Variants in PTCHD4 observed in about 807,000 individuals in gnomAD.
The protein encoded by PTCHD4 is patched domain-containing protein 4.
In PTCHD4, 33 loss-of-function variants were observed where a neutral mutation model predicts 58.1. That is an observed-to-expected ratio of 0.57 (90% CI 0.43 to 0.76). The LOEUF (loss-of-function observed/expected upper bound fraction) is 0.76. PTCHD4 is among the 30% of genes least tolerant of loss of function. The pLI, the probability that PTCHD4 is intolerant of heterozygous loss-of-function variation, is 0.00. For synonymous variants in PTCHD4, 478 were observed against 409.6 expected (o/e 1.17, Z -2.02); for missense variants, 1,058 against 1,027.1 (o/e 1.03, Z -0.41).
intron 4 of PTCHD4, among the ~76,000 whole-genome samples, chr6:47,943,313 G>A (rs763499946): frequency 6.6e-6 from 1 of 152,058 alleles, no homozygotes; most frequent in Non-Finnish European, 1.5e-5. Flanking sequence ...CAAAACTTAA[G>A]ATTATTTTAT....
At chr6:47,944,948 A>G (rs1167894148) in intron 4 of PTCHD4, among the ~76,000 whole-genome samples, 2 of 152,080 alleles carry the variant, frequency 1.3e-5, no homozygotes, top group African/African-American at 4.8e-5. Context: ...GAAAGGATCC[A>G]TTTGAAAATG....
At chr6:47,929,359 A>G (rs1765735418) in intron 4 of PTCHD4, among the ~76,000 whole-genome samples, 1 of 152,228 alleles carries the variant, frequency 6.6e-6, no homozygotes, top group Admixed American at 6.5e-5. Flanking sequence ...CCAAGTGGCC[A>G]GTTTTTATTT....
intron 1 of PTCHD4, among the ~76,000 whole-genome samples, chr6:48,096,835 T>C (rs1193908954): frequency 6.6e-6 from 1 of 152,092 alleles, no homozygotes; most frequent in East Asian, 1.9e-4. Context: ...AAATATATAT[T>C]GCATTAGACA....
In PTCHD4 at chr6:47,965,108, C is replaced by G. The variant is rs9473212; in HGVS notation, c.898+43526G>C. 4.7e-3 allele frequency among the ~76,000 whole-genome samples: 722 copies of G among 152,202 alleles called. 5 individuals carry two copies. The highest frequency in any genetic ancestry group is 0.017 in the African/African-American group (693 of 41,534). On this transcript the variant is annotated intron_variant, in intron 4 of 4. Coordinates refer to ENST00000339488, the MANE Select transcript of PTCHD4 (RefSeq NM_001384253.1). ...CATTTACTCTTTATTTTTCCTCTTA[C>G]CATTCTGTGCATTTTTAATTGGGTA...
chr6:47,880,046 A>C, intron 4 of PTCHD4, 110 bp from the exon 5 acceptor site: 1 of 849,952 alleles, frequency 1.2e-6, no homozygotes, highest in Non-Finnish European at 1.7e-6. Flanking sequence ...CTAATCTTCA[A>C]AGGGCTGTGA....
intron 4 of PTCHD4, among the ~76,000 whole-genome samples, chr6:47,920,389 GAAACCT>G (rs1765393543): frequency 6.6e-6 from 1 of 152,128 alleles, no homozygotes; most frequent in Non-Finnish European, 1.5e-5. Context: ...TCCAGATGGG[GAAACCT>G]AGGAATTAGC....
chr6:47,988,363 C>T (rs761642752), intron 4 of PTCHD4, among the ~76,000 whole-genome samples: 3 of 152,140 alleles, frequency 2.0e-5, no homozygotes, highest in Non-Finnish European at 2.9e-5. Flanking sequence ...CTATCACATA[C>T]TTATAGATAA....
chr6:47,958,359 C>G (rs114424482), intron 4 of PTCHD4, among the ~76,000 whole-genome samples: 2 of 152,112 alleles, frequency 1.3e-5, no homozygotes, highest in African/African-American at 4.8e-5. Flanking sequence ...AAAGACAAGA[C>G]CACACCTAAA....
chr6:47,885,352 G>A lies in PTCHD4; in HGVS notation c.899-5416C>T, dbSNP rs1007267107. On this transcript the variant is annotated intron_variant, in intron 4 of 4. Transcript: ENST00000339488. ...TCTTTCCAAATGAAAGCAATTAGAA[G>A]CATGGTGTAACAATAAGGAAAACCT... 3.3e-5 allele frequency among the ~76,000 whole-genome samples: 5 copies of A among 152,208 alleles called. 1 individual carries two copies. The South Asian group carries it at 8.3e-4, about 25-fold the overall frequency.
At position 47,902,069 on chromosome 6, in the gene PTCHD4, A is replaced by C. The variant is rs1171849629; in HGVS notation, c.899-22133T>G. 23 of 446,042 alleles carry C rather than the reference A, an allele frequency of 5.2e-5. No individual in the cohort carries two copies. The Admixed American group carries it at 7.1e-4, about 14-fold the overall frequency. The allele number at this position is 446,042 out of a possible 1,614,324, so 27.6% of individuals were successfully genotyped here. A position where few individuals can be genotyped will look rare whatever the true frequency, so the allele number is the denominator to read the frequency against. On this transcript the variant is annotated intron_variant, in intron 4 of 4. Coordinates refer to ENST00000339488, the MANE Select transcript of PTCHD4 (RefSeq NM_001384253.1). ...ACCATCATCAACAACAACAGCAACC[A>C]CATAATAACCTGTCTGATTCTGGGT...
At chr6:48,094,582 C>T (rs1765425090) in intron 1 of PTCHD4, among the ~76,000 whole-genome samples, 1 of 152,156 alleles carries the variant, frequency 6.6e-6, no homozygotes, top group African/African-American at 2.4e-5. Context: ...AATAACTTTC[C>T]CTCTGTAAAT....
chr6:48,107,260 C>A, intron 1 of PTCHD4, among the ~76,000 whole-genome samples: 1 of 151,978 alleles, frequency 6.6e-6, no homozygotes, highest in Admixed American at 6.6e-5. Context: ...GAGATATAGA[C>A]CAATGGAACA....
chr6:48,048,026 A>AG (rs1457109809), intron 3 of PTCHD4, among the ~76,000 whole-genome samples: 1 of 151,730 alleles, frequency 6.6e-6, no homozygotes, highest in African/African-American at 2.4e-5. Flanking sequence ...AGTAAAAAAA[A>AG]AAAAAAAAAA....
rs1040088968 is a variant in PTCHD4, at chr6:47,872,328, T to A, written c.*5975A>T. ...TGCAGTCTTCCAAAGCATTAGAATT[T>A]TTTTCCCCCTCTGGTTTGACAGAGC... is the stretch of plus-strand genomic sequence containing the variant. On this transcript the variant is annotated 3_prime_UTR_variant, in exon 5 of 5. Coordinates refer to ENST00000339488, the MANE Select transcript of PTCHD4 (RefSeq NM_001384253.1). 6.6e-6 allele frequency among the ~76,000 whole-genome samples: 1 copy of A among 151,712 alleles called. No homozygotes were observed. The highest frequency in any genetic ancestry group is 1.5e-5 in the Non-Finnish European group (1 of 67,778).
chr6:47,872,500 A>T lies in PTCHD4; in HGVS notation c.*5803T>A, dbSNP rs1335517487. Among the ~76,000 whole-genome samples the T allele has an allele frequency of 2.6e-5, 4 of 151,652 alleles. No individual in the cohort carries two copies. Among genetic ancestry groups the T allele is most frequent in the Non-Finnish European group, 4.4e-5 (3 of 67,740 alleles). ...TAAAAACCTCAGCTCAGATAAGTGC[A>T]ATGAAATCATACACAGCAGGAATCA... On this transcript the variant is annotated 3_prime_UTR_variant, in exon 5 of 5. Coordinates refer to ENST00000339488, the MANE Select transcript of PTCHD4 (RefSeq NM_001384253.1).
Position 47,931,922 on chromosome 6 carries a change from A to G in PTCHD4, c.899-51986T>C, listed in dbSNP as rs139290429. Among the ~76,000 whole-genome samples, 852 of 152,292 alleles carry G rather than the reference A, an allele frequency of 5.6e-3. 10 individuals carry two copies. The highest frequency in any genetic ancestry group is 0.017 in the African/African-American group (690 of 41,570). ...TAGTGGTGAGAAAATTGAGATTCAA[A>G]GGTGAAGTGACCCAAGGACTAAAGG... On this transcript the variant is annotated intron_variant, in intron 4 of 4. Transcript: ENST00000339488.
intron 4 of PTCHD4, among the ~76,000 whole-genome samples, chr6:47,909,362 T>G (rs893776181): frequency 2.0e-5 from 3 of 152,014 alleles, no homozygotes; most frequent in African/African-American, 7.3e-5. Context: ...AATGGGGAAA[T>G]TGAAAGGTTT....
At chr6:47,973,560 G>A (rs115292691) in intron 4 of PTCHD4, among the ~76,000 whole-genome samples, 2,637 of 152,282 alleles carry the variant, frequency 0.017, 38 homozygotes, top group South Asian at 0.047. Context: ...CATTTACCTC[G>A]TAGTTGCTGG....
intron 1 of PTCHD4, among the ~76,000 whole-genome samples, chr6:48,103,578 G>C (rs9463371): frequency 0.43 from 65,334 of 151,980 alleles, 14,828 homozygotes; most frequent in African/African-American, 0.58. Flanking sequence ...TCCTCACCAG[G>C]AATGGAACAA....
Sources: allele counts gnomAD v4.1 joint callset (sites outside exome capture counted in the v4.1 genomes callset), GRCh38; gene constraint gnomAD v4.1.1; transcripts MANE v1.5; gene names NCBI Gene and HGNC (gene_info 2026-07-23, HGNC 2026-07-21).